RNF40: variants seen among roughly 807,000 people sequenced by gnomAD.
RNF40 encodes the protein ring finger protein 40, also known as E3 ubiquitin-protein ligase BRE1B.
RNF40 carries 39 observed loss-of-function variants against 123.3 expected under a neutral mutation model. The observed-to-expected ratio is 0.32, with a 90% CI of 0.24 to 0.41. The LOEUF (loss-of-function observed/expected upper bound fraction) is 0.41, where lower values mean the gene tolerates loss of function less well. Among genes scored for constraint, RNF40 ranks in the 10% least tolerant of loss-of-function variants. The pLI is 1.00. For missense variants in RNF40, 1,003 were observed against 1,319.9 expected (o/e 0.76, Z 3.72); for synonymous variants, 538 against 526.0 (o/e 1.02, Z -0.31).
chr16:30,775,699 C>G lies in RNF40; in HGVS notation c.*1585C>G, dbSNP rs888652084. ...CTCAGCGCGCTGCAGGCGCCCCGGG[C>G]GGATCCTTCACCGAGGCAGGACTGG... is the stretch of plus-strand genomic sequence containing the variant. On this transcript the variant is annotated 3_prime_UTR_variant, in exon 20 of 20. Coordinates refer to ENST00000324685, the MANE Select transcript of RNF40 (RefSeq NM_014771.4). The G allele has an allele frequency of 3.3e-5, 5 of 152,602 alleles. No individual in the cohort carries two copies. The highest frequency in any genetic ancestry group is 7.2e-5 in the African/African-American group (3 of 41,464). 9.5% of individuals were successfully genotyped at this position (152,602 alleles called of 1,614,324 possible).
rs2054205789 is a variant in RNF40, at chr16:30,774,840, C to G, written c.*726C>G. The G allele has an allele frequency of 2.5e-6, 1 of 393,138 alleles. No individual in the cohort carries two copies. The highest frequency in any genetic ancestry group is 5.1e-6 in the Non-Finnish European group (1 of 197,248). 24.4% of individuals were successfully genotyped at this position (393,138 alleles called of 1,614,324 possible). On this transcript the variant is annotated 3_prime_UTR_variant, in exon 20 of 20. Coordinates refer to ENST00000324685, the MANE Select transcript of RNF40 (RefSeq NM_014771.4). The stretch of plus-strand genomic sequence containing the variant: ...TCTCTGCCAAGCCCATTTACCCCCA[C>G]CTCATGCATCCCAAGGCTCTACTGG...
At chr16:30,763,916 C>T (rs1202915803) in intron 4 of RNF40, among the ~76,000 whole-genome samples, 1 of 152,114 alleles carries the variant, frequency 6.6e-6, no homozygotes, top group Non-Finnish European at 1.5e-5. Context: ...ATTGTGTGTG[C>T]ATGCATGTGC....
In RNF40 at chr16:30,764,435, T is replaced by C. The variant is rs1221946594; in HGVS notation, c.649+50T>C. ...AGGGGTGTCCATCCCCACCTGCATC[T>C]TGATGGCACCCCTTCCTGATTCCCC... On this transcript the variant is annotated intron_variant, in intron 5 of 19. Coordinates refer to ENST00000324685, the MANE Select transcript of RNF40 (RefSeq NM_014771.4). 4 of 1,489,824 alleles carry C rather than the reference T, an allele frequency of 2.7e-6. No individual in the cohort carries two copies. In the African/African-American group the frequency reaches 5.5e-5, roughly 21 times the overall value. The allele number at this position is 1,489,824 out of a possible 1,614,324, so 92.3% of individuals were successfully genotyped here. A position where few individuals can be genotyped will look rare whatever the true frequency, so the allele number is the denominator to read the frequency against.
At chr16:30,773,049 G>C (rs553542597) in intron 19 of RNF40, among the ~76,000 whole-genome samples, 1 of 152,170 alleles carries the variant, frequency 6.6e-6, no homozygotes, top group Admixed American at 6.5e-5. Context: ...GGAGGCCTGC[G>C]GGGGAGCAGG....
Position 30,768,008 on chromosome 16 carries a change from T to C in RNF40, c.1544T>C (p.Ile515Thr), listed in dbSNP as rs1206056110. 5 of 1,614,096 alleles carry C rather than the reference T, an allele frequency of 3.1e-6. No individual in the cohort carries two copies. The highest frequency in any genetic ancestry group is 2.7e-5 in the African/African-American group (2 of 74,938). The change falls in exon 12 of 20, where the codon ATT becomes ACT. Residue 515 changes from isoleucine to threonine, a missense_variant. Ile to Thr is a moderately conservative substitution (Grantham distance 89). Around this residue, in one of 11 missense-constraint regions of RNF40, gnomAD observed 295 missense variants for 331.7 expected, o/e 0.89. Transcript: ENST00000324685. This position sits in a 1 kb window ranked among gnomAD's most constrained non-coding sequence, Gnocchi z 4.1. ...KRKLREVQAE[I>T]GKLRAQASGS... ...AAGCTTCGAGAAGTACAAGCTGAGATTGGCAAGGTGAGAAGGGGCCTGCCT... is the reference window on the plus strand; with the variant it reads ...AAGCTTCGAGAAGTACAAGCTGAGACTGGCAAGGTGAGAAGGGGCCTGCCT...
chr16:30,772,405 C>T (rs1424844733), intron 19 of RNF40: 6 of 634,606 alleles, frequency 9.5e-6, no homozygotes, highest in Non-Finnish European at 1.4e-5. Flanking sequence ...AGGAACTGGC[C>T]CTGGTCTCTG....
At position 30,769,415 on chromosome 16, in the gene RNF40, C is replaced by T. The variant is rs765353783; in HGVS notation, c.2460+17C>T. On this transcript the variant is annotated intron_variant, in intron 16 of 19. Coordinates refer to ENST00000324685, the MANE Select transcript of RNF40 (RefSeq NM_014771.4). ...AAGTCCCAGGTATGGCCGCCGCCAG[C>T]TTGCAGACTGGAGCTGGAGAGGTGG... 9 of 1,614,110 alleles carry T rather than the reference C, an allele frequency of 5.6e-6. No individual in the cohort carries two copies. In the East Asian group the frequency reaches 1.6e-4, roughly 28 times the overall value.
At position 30,771,945 on chromosome 16, in the gene RNF40, A is replaced by G. The variant is rs753191948; in HGVS notation, c.2699A>G (p.Lys900Arg). Reference protein sequence around the residue: ...CLAESRAAREKESFNLKRAQE... With the variant: ...CLAESRAARERESFNLKRAQE... Reference sequence around the variant, plus strand: ...GCAGAGAGCCGGGCTGCTCGTGAGAAAGAGAGCTTCAACCTCAAGAGGGCT... The same window carrying G: ...GCAGAGAGCCGGGCTGCTCGTGAGAGAGAGAGCTTCAACCTCAAGAGGGCT... The change falls in exon 18 of 20, where the codon AAA (lysine) becomes AGA (arginine). Residue 900 changes from lysine (K) to arginine (R), a missense_variant. Coordinates refer to ENST00000324685, the MANE Select transcript of RNF40 (RefSeq NM_014771.4). The G allele has an allele frequency of 1.9e-6, 3 of 1,600,488 alleles. No homozygotes were observed. Among genetic ancestry groups the G allele is most frequent in the Non-Finnish European group, 2.6e-6 (3 of 1,171,524 alleles).
chr16:30,766,412 C>T lies in RNF40; in HGVS notation c.1147C>T (p.Arg383Trp), dbSNP rs770830631. 5.0e-6 allele frequency: 8 copies of T among 1,613,422 alleles called. No homozygotes were observed. Among genetic ancestry groups the T allele is most frequent in the Middle Eastern group, 1.6e-4 (1 of 6,080 alleles). Residue 383 changes from arginine (R) to tryptophan (W), a missense_variant, in exon 10 of 20, where the codon CGG becomes TGG. Physicochemically the swap from Arg to Trp is moderately radical, Grantham distance 101. Transcript: ENST00000324685. This position sits in a 1 kb window ranked among gnomAD's most constrained non-coding sequence, Gnocchi z 5.4. ...GCGGAGCCTTCCTGAGGAGGTAGTG[C>T]GGGAGACGGGGGAGTACCGCATGCT... ...ALRSLPEEVV[R>W]ETGEYRMLQA...
Position 30,762,661 on chromosome 16 carries a change from G to C in RNF40, c.116G>C (p.Gly39Ala). 1 of 1,613,250 alleles carries C rather than the reference G, an allele frequency of 6.2e-7. No homozygotes were observed. The highest frequency in any genetic ancestry group is 8.5e-7 in the Non-Finnish European group (1 of 1,179,858). Residue 39 changes from glycine to alanine, a missense_variant, in exon 2 of 20, where the codon GGA becomes GCA. Transcript: ENST00000324685. The stretch of plus-strand genomic sequence containing the variant: ...ACTCTTATCGAGCCCATTCGTCTTG[G>C]AGGCATCTCTTCCACGGTTCGTGGG... ...TTTLIEPIRLGGISSTEEMDL... is the reference protein window; with the variant it reads ...TTTLIEPIRLAGISSTEEMDL...
chr16:30,772,944 C>T (rs1055588221), intron 19 of RNF40, among the ~76,000 whole-genome samples: 3 of 151,802 alleles, frequency 2.0e-5, no homozygotes, highest in Non-Finnish European at 2.9e-5. Flanking sequence ...GGGGGTGGAT[C>T]GAATGCATGG....
chr16:30,763,314 GC>G, intron 3 of RNF40, 29 bp downstream of exon 3: 1 of 1,611,582 alleles, frequency 6.2e-7, no homozygotes, highest in Non-Finnish European at 8.5e-7. Context: ...CAAAGACCAG[GC>G]CTTGATTCAG....
Position 30,766,576 on chromosome 16 carries a change from G to A in RNF40, c.1293+18G>A. The A allele has an allele frequency of 1.3e-6, 2 of 1,598,670 alleles. No homozygotes were observed. The highest frequency in any genetic ancestry group is 2.2e-5 in the East Asian group (1 of 44,666). The stretch of plus-strand genomic sequence containing the variant: ...ACATGGAGGTATGGCCCTGGAACAG[G>A]CGTTAGGGCTGGGCTAAGGGCCAAA... On this transcript the variant is annotated intron_variant, in intron 10 of 19. Transcript: ENST00000324685. The surrounding 1 kb of genome is among the most constrained non-coding windows in gnomAD (Gnocchi z 5.4).
rs1346969648 is a variant in RNF40 at position 30,774,933 on chromosome 16, G to A, written c.*819G>A. ...ACAGTGGAGGTGGAACTTCCCAGGA[G>A]GGGAAGGGACAGACCAGCCCCAGCC... On this transcript the variant is annotated 3_prime_UTR_variant, in exon 20 of 20. Transcript: ENST00000324685. 1 of 456,398 alleles carries A rather than the reference G, an allele frequency of 2.2e-6. No individual in the cohort carries two copies. Among genetic ancestry groups the A allele is most frequent in the Admixed American group, 2.3e-5 (1 of 42,574 alleles). The allele number at this position is 456,398 out of a possible 1,614,324, so 28.3% of individuals were successfully genotyped here. A position where few individuals can be genotyped will look rare whatever the true frequency, so the allele number is the denominator to read the frequency against.
In RNF40 at chr16:30,762,618, G is replaced by A; in HGVS notation, c.73G>A (p.Glu25Lys). 1 of 1,611,786 alleles carries A rather than the reference G, an allele frequency of 6.2e-7. No individual in the cohort carries two copies. Among genetic ancestry groups the A allele is most frequent in the Non-Finnish European group, 8.5e-7 (1 of 1,179,700 alleles). ...SGPPEKKLSR[E>K]EKTTTTLIEP... is the part of the protein sequence containing the mutation. ...GCCCCCGGAAAAGAAGCTGAGTCGT[G>A]AGGAGAAGACCACCACGACTCTTAT... The change falls in exon 2 of 20, where the codon GAG (glutamate) becomes AAG (lysine). Residue 25 changes from glutamate to lysine, a missense_variant. Transcript: ENST00000324685.
rs956455397 is a variant in RNF40, at chr16:30,765,512, T to C, written c.993+13T>C. 2.5e-6 allele frequency: 4 copies of C among 1,612,646 alleles called. No individual in the cohort carries two copies. The African/African-American group carries it at 5.3e-5, about 22-fold the overall frequency. On this transcript the variant is annotated intron_variant, in intron 8 of 19. Coordinates refer to ENST00000324685, the MANE Select transcript of RNF40 (RefSeq NM_014771.4). ...CAGCATGCAGAAGGTGAGCGGCGTT[T>C]TCCTCCCACCCCTTCTCACAACCTC...
At position 30,766,758 on chromosome 16, in the gene RNF40, G is replaced by A. The variant is rs1257944098; in HGVS notation, c.1311G>A (p.Leu437=). The change falls in exon 11 of 20, where the codon CTG becomes CTA. Residue 437 remains leucine (L), a synonymous_variant. Transcript: ENST00000324685. The surrounding 1 kb of genome is among the most constrained non-coding windows in gnomAD (Gnocchi z 5.4). Reference sequence around the variant, plus strand: ...ACCCACAGAGCGACGAGCTGGGGCTGCAGAAGAAGCTACGCACAGAGGTCA... The same window carrying A: ...ACCCACAGAGCGACGAGCTGGGGCTACAGAAGAAGCTACGCACAGAGGTCA... ...IEHMESDELG[L]QKKLRTEVIQ... 1 of 1,614,092 alleles carries A rather than the reference G, an allele frequency of 6.2e-7. No individual in the cohort carries two copies. Among genetic ancestry groups the A allele is most frequent in the East Asian group, 2.2e-5 (1 of 44,896 alleles).
At chr16:30,765,148 C>G in intron 6 of RNF40, 33 bp from the exon 7 acceptor site, 1 of 1,612,156 alleles carries the variant, frequency 6.2e-7, no homozygotes, top group Non-Finnish European at 8.5e-7. Context: ...ACCAAGTCCC[C>G]CATCCAAGCA....
At chr16:30,762,192 G>A (rs1355576748), upstream of RNF40, 2 of 327,006 alleles carry the variant, frequency 6.1e-6, no homozygotes, top group Non-Finnish European at 5.6e-6. Context: ...CGAGTGGCGG[G>A]ACCAAGCGTA....
Sources: allele counts gnomAD v4.1 joint callset (sites outside exome capture counted in the v4.1 genomes callset), GRCh38; gene constraint gnomAD v4.1.1; regional missense constraint gnomAD v4.1.1; non-coding constraint Gnocchi (gnomAD v3.1); transcripts MANE v1.5; gene names NCBI Gene and HGNC (gene_info 2026-07-23, HGNC 2026-07-21).